Variants in PRKN observed in about 807,000 individuals in gnomAD.
The protein encoded by PRKN is E3 ubiquitin-protein ligase parkin.
In PRKN, 56 loss-of-function variants were observed where a neutral mutation model predicts 59.5. The observed-to-expected ratio is 0.94, with a 90% CI of 0.76 to 1.18. The LOEUF (loss-of-function observed/expected upper bound fraction) is 1.18, where lower values mean the gene tolerates loss of function less well. Among genes scored for constraint, PRKN ranks in the 50% most tolerant of loss-of-function variants. The probability of loss-of-function intolerance (pLI) is 0.00; values close to 1 mark genes in which losing one functional copy is unlikely to be tolerated. For missense variants in PRKN, 657 were observed against 596.4 expected, an observed-to-expected ratio of 1.10 and a Z score of -1.06; for synonymous variants, 250 against 222.1, an observed-to-expected ratio of 1.13 and a Z score of -1.12.
At chr6:161,806,533 G>A (rs1791332903) in intron 6 of PRKN, among the ~76,000 whole-genome samples, 1 of 152,104 alleles carries the variant, frequency 6.6e-6, no homozygotes, top group Admixed American at 6.5e-5. Flanking sequence ...ACCCTATGTG[G>A]CTATGAAGCA....
At chr6:162,052,870 T>G (rs1292965213) in intron 5 of PRKN, among the ~76,000 whole-genome samples, 1 of 152,146 alleles carries the variant, frequency 6.6e-6, no homozygotes, top group East Asian at 1.9e-4. Flanking sequence ...CATATGTATA[T>G]ATGGAAACAT....
rs1779790540 is a variant in PRKN, at chr6:161,546,254, A to G, written c.1083+2600T>C. Among the ~76,000 whole-genome samples, 1 of 152,232 alleles carries G rather than the reference A, an allele frequency of 6.6e-6. No homozygotes were observed. Among genetic ancestry groups the G allele is most frequent in the African/African-American group, 2.4e-5 (1 of 41,458 alleles). On this transcript the variant is annotated intron_variant, in intron 9 of 11. Coordinates refer to ENST00000366898, the MANE Select transcript of PRKN (RefSeq NM_004562.3). The surrounding 1 kb of genome is among the most constrained non-coding windows in gnomAD (Gnocchi z 4.4). Reference sequence around the variant, plus strand: ...TTTAGTATGCACAATAGTTTTATACAGAGTTGCTCATATATACCCTATTTT... The same window carrying G: ...TTTAGTATGCACAATAGTTTTATACGGAGTTGCTCATATATACCCTATTTT...
intron 1 of PRKN, among the ~76,000 whole-genome samples, chr6:162,567,166 C>T (rs1780115893): frequency 9.3e-6 from 1 of 108,040 alleles, no homozygotes; most frequent in Non-Finnish European, 2.1e-5. Flanking sequence ...TAGTATCATA[C>T]TACATGGGGA....
At chr6:161,914,436 G>A (rs1778478663) in intron 6 of PRKN, among the ~76,000 whole-genome samples, 1 of 152,110 alleles carries the variant, frequency 6.6e-6, no homozygotes, top group African/African-American at 2.4e-5. Flanking sequence ...GATTATCTCT[G>A]AGGATAGGGA....
At chr6:162,476,579 G>C (rs1297150446) in intron 1 of PRKN, among the ~76,000 whole-genome samples, 2 of 152,264 alleles carry the variant, frequency 1.3e-5, no homozygotes, top group Non-Finnish European at 1.5e-5. Context: ...GATAACTGTG[G>C]AAAAGAAAAC....
intron 6 of PRKN, among the ~76,000 whole-genome samples, chr6:161,954,032 C>T (rs1251475117): frequency 2.6e-5 from 4 of 152,120 alleles, no homozygotes; most frequent in Non-Finnish European, 5.9e-5. Flanking sequence ...TATCTACCTC[C>T]CAATGTTATT....
At chr6:161,980,316 A>G (rs565130616) in intron 5 of PRKN, among the ~76,000 whole-genome samples, 1 of 152,354 alleles carries the variant, frequency 6.6e-6, no homozygotes, top group African/African-American at 2.4e-5. Flanking sequence ...AAAAAAAACT[A>G]TCCTTCTCTT....
At chr6:161,913,700 T>A (rs1325310232) in intron 6 of PRKN, among the ~76,000 whole-genome samples, 1 of 152,206 alleles carries the variant, frequency 6.6e-6, no homozygotes, top group Non-Finnish European at 1.5e-5. Flanking sequence ...TACTCAAGGA[T>A]ACAGCGATAC....
In PRKN at chr6:162,313,305, A is replaced by T. The variant is rs545426226; in HGVS notation, c.172-50540T>A. 7.2e-5 allele frequency among the ~76,000 whole-genome samples: 11 copies of T among 152,016 alleles called. No homozygotes were observed. The South Asian group carries it at 2.1e-3, about 29-fold the overall frequency. ...CCCAGTCCCTAGCAACCAACATTTT[A>T]CCTTCTAGTCTCTATGAATTTGGCT... On this transcript the variant is annotated intron_variant, in intron 2 of 11. Coordinates refer to ENST00000366898, the MANE Select transcript of PRKN (RefSeq NM_004562.3).
At chr6:162,155,918 T>G (rs1389738420) in intron 4 of PRKN, among the ~76,000 whole-genome samples, 1 of 152,030 alleles carries the variant, frequency 6.6e-6, no homozygotes. Flanking sequence ...TAAGGTACAA[T>G]GTCTAAAGAA....
At chr6:162,638,508 C>A (rs1777832480) in intron 1 of PRKN, among the ~76,000 whole-genome samples, 1 of 152,148 alleles carries the variant, frequency 6.6e-6, no homozygotes, top group South Asian at 2.1e-4. Flanking sequence ...GCCTCCCATC[C>A]ATGCATCTAT....
chr6:162,717,077 C>T (rs578151187), intron 1 of PRKN, among the ~76,000 whole-genome samples: 2 of 152,178 alleles, frequency 1.3e-5, no homozygotes, highest in East Asian at 3.9e-4. Context: ...CTGAATGTAA[C>T]CCCATGTGTT....
intron 2 of PRKN, among the ~76,000 whole-genome samples, chr6:162,377,920 G>A (rs1326848765): frequency 1.3e-5 from 2 of 152,152 alleles, no homozygotes; most frequent in Non-Finnish European, 2.9e-5. Context: ...GGCAAGAGGA[G>A]GAAAGAAAAA....
At chr6:161,953,655 G>A (rs1171644880) in intron 6 of PRKN, among the ~76,000 whole-genome samples, 1 of 152,116 alleles carries the variant, frequency 6.6e-6, no homozygotes, top group African/African-American at 2.4e-5. Context: ...TGCCCAGATA[G>A]GATAGGTAGA....
Position 161,467,850 on chromosome 6 carries a change from A to C in PRKN, c.1084-80973T>G, listed in dbSNP as rs943584446. On this transcript the variant is annotated intron_variant, in intron 9 of 11. Transcript: ENST00000366898. The surrounding 1 kb of genome is among the most constrained non-coding windows in gnomAD (Gnocchi z 4.3). ...AGCTACATTCTCAGGAGGAATGGCCATGGCTCCCTTGTGACCATGGAGGTC... is the reference window on the plus strand; with the variant it reads ...AGCTACATTCTCAGGAGGAATGGCCCTGGCTCCCTTGTGACCATGGAGGTC... Among the ~76,000 whole-genome samples the C allele has an allele frequency of 6.6e-6, 1 of 151,842 alleles. No homozygotes were observed. Among genetic ancestry groups the C allele is most frequent in the Non-Finnish European group, 1.5e-5 (1 of 67,976 alleles).
intron 9 of PRKN, among the ~76,000 whole-genome samples, chr6:161,493,435 T>C (rs1236379211): frequency 2.0e-5 from 3 of 152,188 alleles, no homozygotes; most frequent in Admixed American, 1.3e-4. Flanking sequence ...AGATTTGAAC[T>C]CAGAAAGTCT....
intron 6 of PRKN, among the ~76,000 whole-genome samples, chr6:161,910,479 T>C (rs1368264892): frequency 6.6e-6 from 1 of 152,144 alleles, no homozygotes; most frequent in Non-Finnish European, 1.5e-5. Flanking sequence ...GGTCTCAAAC[T>C]CCCAACCTCA....
rs1779803152 is a variant in PRKN, at chr6:161,546,584, C to T, written c.1083+2270G>A. 1.3e-5 allele frequency among the ~76,000 whole-genome samples: 2 copies of T among 152,136 alleles called. No homozygotes were observed. ...CAGTTCAGTGCATCCTTTAGAAAAT[C>T]ACTTCTCTGTTCTTTTTTCAGCTTC... On this transcript the variant is annotated intron_variant, in intron 9 of 11. Coordinates refer to ENST00000366898, the MANE Select transcript of PRKN (RefSeq NM_004562.3). The surrounding 1 kb of genome is among the most constrained non-coding windows in gnomAD (Gnocchi z 4.4).
intron 2 of PRKN, among the ~76,000 whole-genome samples, chr6:162,396,832 T>G (rs1749508699): frequency 6.6e-6 from 1 of 152,170 alleles, no homozygotes; most frequent in African/African-American, 2.4e-5. Flanking sequence ...TCTCCTTTTT[T>G]GGTAAGAACA....
Sources: gnomAD v4.1 joint callset for allele counts (sites outside exome capture counted in the v4.1 genomes callset) on GRCh38, gnomAD v4.1.1 for gene constraint, Gnocchi (gnomAD v3.1) non-coding constraint, MANE v1.5 for transcripts, NCBI Gene and HGNC (gene_info 2026-07-23, HGNC 2026-07-21) for gene names.